SCLT1: variants seen among roughly 807,000 people sequenced by gnomAD.
SCLT1 encodes the protein sodium channel and clathrin linker 1.
SCLT1 carries 78 observed loss-of-function variants against 112.8 expected under a neutral mutation model. The observed-to-expected ratio is 0.69, with a 90% CI of 0.58 to 0.83. The LOEUF (loss-of-function observed/expected upper bound fraction) is 0.83. SCLT1 is among the 40% of genes least tolerant of loss of function. The pLI is 0.00. For missense variants in SCLT1, 747 were observed against 770.4 expected, an observed-to-expected ratio of 0.97 and a Z score of 0.36; for synonymous variants, 257 against 254.7, an observed-to-expected ratio of 1.01 and a Z score of -0.09.
intron 11 of SCLT1, among the ~76,000 whole-genome samples, 167 bp from the exon 12 acceptor site, chr4:128,959,944 C>T (rs2126014349): frequency 6.6e-6 from 1 of 152,224 alleles, no homozygotes; most frequent in Non-Finnish European, 1.5e-5. Context: ...TTTACTATCT[C>T]CATACCTTCA....
intron 18 of SCLT1, among the ~76,000 whole-genome samples, chr4:128,927,619 T>G (rs1328149771): frequency 1.3e-5 from 2 of 151,864 alleles, no homozygotes; most frequent in East Asian, 3.8e-4. Context: ...AATAGTACTA[T>G]GTATATCAAA....
At chr4:129,031,586 C>T (rs1746726514) in intron 5 of SCLT1, among the ~76,000 whole-genome samples, 1 of 152,102 alleles carries the variant, frequency 6.6e-6, no homozygotes, top group Admixed American at 6.6e-5. Context: ...CCAGAAACTC[C>T]TTAAGCTGAT....
intron 5 of SCLT1, among the ~76,000 whole-genome samples, chr4:129,028,621 G>A (rs1402919471): frequency 6.6e-5 from 10 of 152,078 alleles, no homozygotes; most frequent in Non-Finnish European, 1.2e-4. Context: ...GTATGGGCAA[G>A]GACTTCATGT....
In SCLT1 at chr4:129,090,049, G is replaced by A. The variant is rs527650193; in HGVS notation, c.34+3021C>T. On this transcript the variant is annotated intron_variant, in intron 1 of 20. Coordinates refer to ENST00000281142, the MANE Select transcript of SCLT1 (RefSeq NM_144643.4). ...AATGTTATTTCTACATACTAGCAAC[G>A]AAAAATCAGAAACTGAAAGTAAAAG... 1.1e-3 allele frequency among the ~76,000 whole-genome samples: 162 copies of A among 152,082 alleles called. 1 individual carries two copies. The highest frequency in any genetic ancestry group is 3.8e-3 in the African/African-American group (157 of 41,466).
rs560982692 is a variant in SCLT1, at chr4:128,917,293, AC to A, written c.1829+19361del. On this transcript the variant is annotated intron_variant, in intron 18 of 20. Transcript: ENST00000281142. ...TCTCTCTTGATCTGCATCTGGCCTCACCATCTCACACAAAGTAATATAGTTA... is the reference window on the plus strand; with the variant it reads ...TCTCTCTTGATCTGCATCTGGCCTCACATCTCACACAAAGTAATATAGTTA... 5.9e-5 allele frequency among the ~76,000 whole-genome samples: 9 copies of A among 152,246 alleles called. No homozygotes were observed. The South Asian group carries it at 1.7e-3, about 28-fold the overall frequency.
chr4:129,063,947 G>A lies in SCLT1; in HGVS notation c.102+18359C>T, dbSNP rs554538243. The stretch of plus-strand genomic sequence containing the variant: ...AGGGAATCTCTCTTGGAACCGAGCT[G>A]TGCCATCTTGGGGCAGGAGTGATGC... On this transcript the variant is annotated intron_variant, in intron 2 of 20. Coordinates refer to ENST00000281142, the MANE Select transcript of SCLT1 (RefSeq NM_144643.4). Among the ~76,000 whole-genome samples, 6 of 152,266 alleles carry A rather than the reference G, an allele frequency of 3.9e-5. No individual in the cohort carries two copies. In the East Asian group the frequency reaches 1.2e-3, roughly 29 times the overall value.
chr4:129,007,621 T>A (rs1744143876), intron 5 of SCLT1, among the ~76,000 whole-genome samples: 2 of 152,182 alleles, frequency 1.3e-5, no homozygotes, highest in African/African-American at 4.8e-5. Flanking sequence ...TGTACTCTTG[T>A]ATTTTACGAA....
At chr4:129,012,268 C>T (rs747573937) in intron 5 of SCLT1, among the ~76,000 whole-genome samples, 10 of 152,110 alleles carry the variant, frequency 6.6e-5, no homozygotes, top group Non-Finnish European at 1.5e-4. Context: ...TTGATTTCTG[C>T]CTTAATTTCA....
rs572452825 is a variant in SCLT1, at chr4:129,005,562, T to C, written c.291-1686A>G. The stretch of plus-strand genomic sequence containing the variant: ...GAGAAATAGGAACACCTTTACACTG[T>C]TGGTGGGACTGTAAACTAGTTCAAC... On this transcript the variant is annotated intron_variant, in intron 5 of 20. Coordinates refer to ENST00000281142, the MANE Select transcript of SCLT1 (RefSeq NM_144643.4). Among the ~76,000 whole-genome samples the C allele has an allele frequency of 3.3e-5, 5 of 152,296 alleles. No homozygotes were observed. In the South Asian group the frequency reaches 1.0e-3, roughly 32 times the overall value.
chr4:128,924,247 C>T (rs1288953013), intron 18 of SCLT1, among the ~76,000 whole-genome samples: 1 of 151,398 alleles, frequency 6.6e-6, no homozygotes, highest in Non-Finnish European at 1.5e-5. Flanking sequence ...GAAAAGCAGA[C>T]ATTTTAAAAA....
chr4:128,971,259 TTATG>T (rs1428037360), intron 9 of SCLT1: 2 of 152,198 alleles, frequency 1.3e-5, no homozygotes, highest in Non-Finnish European at 2.9e-5. Flanking sequence ...TAATTACATT[TTATG>T]TATGTATCTA....
At chr4:128,893,806 G>T (rs755417177) in intron 18 of SCLT1, among the ~76,000 whole-genome samples, 3 of 152,216 alleles carry the variant, frequency 2.0e-5, no homozygotes, top group Admixed American at 6.5e-5. Flanking sequence ...CTCCCAAAGT[G>T]TTGGGATTAC....
intron 9 of SCLT1, among the ~76,000 whole-genome samples, chr4:128,973,018 T>C (rs1403048856): frequency 6.6e-6 from 1 of 152,174 alleles, no homozygotes; most frequent in African/African-American, 2.4e-5. Flanking sequence ...CCAAGTATAA[T>C]AAAGTACTCA....
chr4:129,024,398 T>G (rs1745814561), intron 5 of SCLT1, among the ~76,000 whole-genome samples: 1 of 152,190 alleles, frequency 6.6e-6, no homozygotes, highest in South Asian at 2.1e-4. Context: ...CACGAAAATC[T>G]GCTGTTCTGC....
chr4:128,927,460 A>G (rs887052998), intron 18 of SCLT1, among the ~76,000 whole-genome samples: 1 of 151,956 alleles, frequency 6.6e-6, no homozygotes. Context: ...CTGTGGTCCT[A>G]GCTACTTGGG....
chr4:128,882,434 C>T (rs1184548357), downstream of SCLT1, among the ~76,000 whole-genome samples: 2 of 152,166 alleles, frequency 1.3e-5, no homozygotes, highest in Non-Finnish European at 2.9e-5. Flanking sequence ...AGTGTTTTAT[C>T]ATGTTGGAGT....
chr4:129,052,452 G>A (rs1233316802), intron 2 of SCLT1, among the ~76,000 whole-genome samples: 1 of 151,964 alleles, frequency 6.6e-6, no homozygotes, highest in Non-Finnish European at 1.5e-5. Context: ...ATTATTCTTG[G>A]GAGGGTGTAT....
At chr4:129,035,744 A>G (rs761199103) in intron 5 of SCLT1, among the ~76,000 whole-genome samples, 1 of 152,104 alleles carries the variant, frequency 6.6e-6, no homozygotes, top group Non-Finnish European at 1.5e-5. Context: ...TAGTATTGAG[A>G]AAGAAACAAG....
chr4:128,967,694 T>G (rs1159829903), intron 10 of SCLT1, among the ~76,000 whole-genome samples: 1 of 152,200 alleles, frequency 6.6e-6, no homozygotes, highest in Admixed American at 6.5e-5. Context: ...TACTTTTTAA[T>G]GTTTTTTTTT....
Sources: allele counts gnomAD v4.1 joint callset (sites outside exome capture counted in the v4.1 genomes callset), GRCh38; gene constraint gnomAD v4.1.1; transcripts MANE v1.5; gene names NCBI Gene and HGNC (gene_info 2026-07-23, HGNC 2026-07-21).